The following SYNCRIP variants were observed in gnomAD, a reference collection of about 807,000 sequenced individuals.
The protein encoded by SYNCRIP is heterogeneous nuclear ribonucleoprotein Q.
SYNCRIP carries 9 observed loss-of-function variants against 68.9 expected under a neutral mutation model. The ratio of observed to expected loss-of-function variants is 0.13; its 90% CI spans 0.08 to 0.23. The LOEUF (loss-of-function observed/expected upper bound fraction) is 0.23, where lower values mean the gene tolerates loss of function less well. Among genes scored for constraint, SYNCRIP ranks in the 10% least tolerant of loss-of-function variants. The pLI, the probability that SYNCRIP is intolerant of heterozygous loss-of-function variation, is 1.00. For synonymous variants in SYNCRIP, 258 were observed against 254.0 expected, an observed-to-expected ratio of 1.02 and a Z score of -0.15; for missense variants, 414 against 770.6, an observed-to-expected ratio of 0.54 and a Z score of 5.48.
Position 85,614,266 on chromosome 6 carries a change from A to C in SYNCRIP, c.*490T>G, listed in dbSNP as rs550054145. On this transcript the variant is annotated 3_prime_UTR_variant, in exon 11 of 11. Coordinates refer to ENST00000369622, the MANE Select transcript of SYNCRIP (RefSeq NM_006372.5). ...AATAAACAACAGCATAAAGAATACA[A>C]GTAGCCAAAATGGTTTTGAAAACCC... The C allele has an allele frequency of 1.8e-5, 18 of 985,740 alleles. No homozygotes were observed. The East Asian group carries it at 2.0e-3, about 112-fold the overall frequency. 61.1% of individuals were successfully genotyped at this position (985,740 alleles called of 1,614,324 possible). A position where few individuals can be genotyped will look rare whatever the true frequency, so the allele number is the denominator to read the frequency against.
At position 85,615,134 on chromosome 6, in the gene SYNCRIP, C is replaced by T; in HGVS notation, c.1494G>A (p.Arg498=). 1 of 1,614,014 alleles carries T rather than the reference C, an allele frequency of 6.2e-7. No individual in the cohort carries two copies. Among genetic ancestry groups the T allele is most frequent in the Non-Finnish European group, 8.5e-7 (1 of 1,180,012 alleles). ...CAGCACCCCTTGCTCCTCTACCACC[C>T]CTTCCTCTAGCTCCAACTTGAAAAT... is the stretch of plus-strand genomic sequence containing the variant. ...YEDFQVGARG[R]GGRGARGAAP... The change falls in exon 11 of 11, where the codon AGG becomes AGA. Residue 498 remains arginine (R), a synonymous_variant. Coordinates refer to ENST00000369622, the MANE Select transcript of SYNCRIP (RefSeq NM_006372.5).
At chr6:85,628,494 G>A (rs1363994307) in intron 6 of SYNCRIP, among the ~76,000 whole-genome samples, 1 of 152,100 alleles carries the variant, frequency 6.6e-6, no homozygotes, top group African/African-American at 2.4e-5. Flanking sequence ...TTCTATGCTT[G>A]GCTAATCATT....
downstream of SYNCRIP, chr6:85,609,418 T>C (rs1260638559): frequency 6.6e-6 from 1 of 151,928 alleles, no homozygotes. Context: ...ATAACTCAGA[T>C]CACCCCATCA....
chr6:85,638,916 G>A (rs1030327875), intron 4 of SYNCRIP, among the ~76,000 whole-genome samples: 3 of 152,118 alleles, frequency 2.0e-5, no homozygotes, highest in African/African-American at 4.8e-5. Flanking sequence ...AGCTCTCATT[G>A]AAACTGTAAG....
chr6:85,621,952 T>G (rs374411070), intron 8 of SYNCRIP, among the ~76,000 whole-genome samples: 5 of 152,294 alleles, frequency 3.3e-5, no homozygotes, highest in Admixed American at 6.5e-5. Context: ...GGCTATACAA[T>G]TATGGCTAAG....
At chr6:85,633,110 G>A (rs1379893429) in intron 6 of SYNCRIP, among the ~76,000 whole-genome samples, 2 of 151,736 alleles carry the variant, frequency 1.3e-5, no homozygotes, top group African/African-American at 4.8e-5. Context: ...AAAAAAATTA[G>A]CTGGGTGTGG....
chr6:85,611,867 C>T (rs140291644), downstream of SYNCRIP: 1 of 152,668 alleles, frequency 6.6e-6, no homozygotes, highest in African/African-American at 2.4e-5. Context: ...TATGAAAAAA[C>T]TTCAAAATAT....
rs369021997 is a variant in SYNCRIP at position 85,620,452 on chromosome 6, TG to T, written c.1009-1036del. Among the ~76,000 whole-genome samples the T allele has an allele frequency of 5.5e-3, 832 of 152,288 alleles. 7 individuals are homozygous for T. The highest frequency in any genetic ancestry group is 9.0e-3 in the Non-Finnish European group (609 of 68,026). Reference sequence around the variant, plus strand: ...GTTACATAATGTATGGTTCCAACTATGTAACATTCTGAGAAGGCAAAACTAT... The same window carrying T: ...GTTACATAATGTATGGTTCCAACTATTAACATTCTGAGAAGGCAAAACTAT... On this transcript the variant is annotated intron_variant, in intron 8 of 10. Coordinates refer to ENST00000369622, the MANE Select transcript of SYNCRIP (RefSeq NM_006372.5).
chr6:85,619,091 C>T, intron 9 of SYNCRIP, 152 bp from the exon 10 acceptor site: 1 of 1,181,352 alleles, frequency 8.5e-7, no homozygotes, highest in Non-Finnish European at 1.2e-6. Context: ...TGCAGATATT[C>T]AATTATTTTT....
chr6:85,619,521 A>C lies in SYNCRIP; in HGVS notation c.1009-104T>G, dbSNP rs192080244. 2.0e-4 allele frequency: 205 copies of C among 1,025,658 alleles called. 1 individual carries two copies. Among genetic ancestry groups the C allele is most frequent in the Non-Finnish European group, 4.1e-5 (30 of 732,356 alleles). The allele number at this position is 1,025,658 out of a possible 1,614,324, so 63.5% of individuals were successfully genotyped here. A position where few individuals can be genotyped will look rare whatever the true frequency, so the allele number is the denominator to read the frequency against. ...TTAACTCAAATCACAATCCATTAGA[A>C]GAATGTCAGAATATAAAAAAAAAAA... is the stretch of plus-strand genomic sequence containing the variant. On this transcript the variant is annotated intron_variant, in intron 8 of 10. Transcript: ENST00000369622.
chr6:85,636,604 A>T lies in SYNCRIP; in HGVS notation c.666+363T>A, dbSNP rs990139746. Among the ~76,000 whole-genome samples, 17 of 152,350 alleles carry T rather than the reference A, an allele frequency of 1.1e-4. No individual in the cohort carries two copies. The South Asian group carries it at 1.4e-3, about 13-fold the overall frequency. On this transcript the variant is annotated intron_variant, in intron 6 of 10. Transcript: ENST00000369622. ...TGTATCACAATGTCTTTTGTGAATT[A>T]TTTAAGAAAAAGAGATGGCTCAGGT...
At position 85,615,050 on chromosome 6, in the gene SYNCRIP, T is replaced by C; in HGVS notation, c.1578A>G (p.Arg526=). ...PPRGRAGYSQ[R]GGPGSARGVR... is the part of the protein sequence containing the mutation. The stretch of plus-strand genomic sequence containing the variant: ...CGCCTCTTGCTGATCCAGGACCTCC[T>C]CTCTGTGAATAACCGGCTCTACCGC... Residue 526 remains arginine, a synonymous_variant, in exon 11 of 11, where the codon AGA becomes AGG. Transcript: ENST00000369622. 6.2e-7 allele frequency: 1 copy of C among 1,614,042 alleles called. No individual in the cohort carries two copies. The highest frequency in any genetic ancestry group is 8.5e-7 in the Non-Finnish European group (1 of 1,180,002).
chr6:85,624,534 TAAG>T (rs1806817703), intron 6 of SYNCRIP, among the ~76,000 whole-genome samples: 1 of 152,230 alleles, frequency 6.6e-6, no homozygotes, highest in Admixed American at 6.5e-5. Flanking sequence ...AAAGTTGTAA[TAAG>T]AAATTTCAGG....
At chr6:85,641,768 A>G (rs879357324) in intron 1 of SYNCRIP, among the ~76,000 whole-genome samples, 1 of 152,182 alleles carries the variant, frequency 6.6e-6, no homozygotes, top group South Asian at 2.1e-4. Flanking sequence ...GCCCGTTCGG[A>G]AAATGAGGTG....
In SYNCRIP at chr6:85,630,529, C is replaced by T. The variant is rs1265275538; in HGVS notation, c.667-6417G>A. On this transcript the variant is annotated intron_variant, in intron 6 of 10. Transcript: ENST00000369622. The stretch of plus-strand genomic sequence containing the variant: ...GGGCTCCAATTCCAGCAACATACCA[C>T]ACAAATACATAAACACACCTGCCTG... Among the ~76,000 whole-genome samples the T allele has an allele frequency of 3.3e-5, 5 of 152,196 alleles. No individual in the cohort carries two copies. In the East Asian group the frequency reaches 9.6e-4, roughly 29 times the overall value.
At chr6:85,612,968 T>C, downstream of SYNCRIP, 1 of 1,544,780 alleles carries the variant, frequency 6.5e-7, no homozygotes, top group Non-Finnish European at 8.8e-7. Context: ...TCATCTTAAA[T>C]TAATAATGTG....
rs776105763 is a variant in SYNCRIP at position 85,618,907 on chromosome 6, C to T, written c.1191G>A (p.Glu397=). The T allele has an allele frequency of 1.4e-5, 22 of 1,612,690 alleles. No homozygotes were observed. Among genetic ancestry groups the T allele is most frequent in the Non-Finnish European group, 1.8e-5 (21 of 1,179,388 alleles). Residue 397 remains glutamate (E), a synonymous_variant, in exon 10 of 11, where the codon GAG becomes GAA. Coordinates refer to ENST00000369622, the MANE Select transcript of SYNCRIP (RefSeq NM_006372.5). ...AMEEMNGKDL[E]GENIEIVFAK... ...CAAAAACAATTTCAATATTTTCTCC[C>T]TCCAAGTCTTTGCCATTCATTTCTT...
At chr6:85,613,362 A>G (rs1199864557), downstream of SYNCRIP, among the ~76,000 whole-genome samples, 3 of 152,188 alleles carry the variant, frequency 2.0e-5, no homozygotes, top group Non-Finnish European at 4.4e-5. Context: ...CATTTTTAAG[A>G]AAGTTTGTCT....
chr6:85,643,184 C>T (rs1210391929), upstream of SYNCRIP: 1 of 152,654 alleles, frequency 6.6e-6, no homozygotes, highest in African/African-American at 2.4e-5. Context: ...TCCCACTCCC[C>T]TCTGCGGTCG....
Sources: allele counts gnomAD v4.1 joint callset (sites outside exome capture counted in the v4.1 genomes callset), GRCh38; gene constraint gnomAD v4.1.1; transcripts MANE v1.5; gene names NCBI Gene and HGNC (gene_info 2026-07-23, HGNC 2026-07-21).